Variants in SATB2 observed in about 807,000 individuals in gnomAD.
SATB2 encodes SATB homeobox 2.
A neutral mutation model predicts 73.4 loss-of-function variants in SATB2; 1 was observed. The ratio of observed to expected loss-of-function variants is 0.01; its 90% confidence interval spans 0.00 to 0.06. SATB2 has a LOEUF of 0.06. Ranked by LOEUF, SATB2 falls within the 10% of genes least tolerant of loss-of-function variation. The probability of loss-of-function intolerance (pLI) is 1.00; values close to 1 mark genes in which losing one functional copy is unlikely to be tolerated. For synonymous variants in SATB2, 397 were observed against 367.0 expected (o/e 1.08, Z -0.93); for missense variants, 459 against 945.8 (o/e 0.49, Z 6.75).
intron 3 of SATB2, among the ~76,000 whole-genome samples, chr2:199,385,871 T>C (rs1689915393): frequency 1.3e-5 from 2 of 152,224 alleles, no homozygotes; most frequent in Non-Finnish European, 1.5e-5. Context: ...CTGTGAGACT[T>C]TGGGCAAATT....
chr2:199,300,995 T>C (rs1322313508), intron 10 of SATB2, among the ~76,000 whole-genome samples: 6 of 151,896 alleles, frequency 4.0e-5, no homozygotes. Flanking sequence ...CCATGATGAA[T>C]GAAAAGCTAA....
At chr2:199,389,597 A>G (rs16831416) in intron 3 of SATB2, among the ~76,000 whole-genome samples, 1,758 of 152,290 alleles carry the variant, frequency 0.012, 38 homozygotes, top group African/African-American at 0.04. Flanking sequence ...CAAGAGATGC[A>G]AGTGTGTGAG....
At chr2:199,333,888 G>C (rs1210199264) in intron 7 of SATB2, among the ~76,000 whole-genome samples, 1 of 152,112 alleles carries the variant, frequency 6.6e-6, no homozygotes, top group African/African-American at 2.4e-5. Context: ...TGTGTACTGA[G>C]GAAACTGGCC....
chr2:199,273,811 T>TA (rs530104061), intron 10 of SATB2, among the ~76,000 whole-genome samples: 2 of 152,190 alleles, frequency 1.3e-5, no homozygotes, highest in South Asian at 4.1e-4. Context: ...ACTCATTTAA[T>TA]AAAAAAGCAA....
intron 7 of SATB2, among the ~76,000 whole-genome samples, chr2:199,343,110 TTA>T (rs1213868717): frequency 1.4e-4 from 6 of 43,766 alleles, no homozygotes; most frequent in Admixed American, 1.2e-3. Context: ...TTATTTTATT[TTA>T]TACACACACA....
intron 10 of SATB2, among the ~76,000 whole-genome samples, chr2:199,281,413 G>T (rs978454677): frequency 1.3e-5 from 2 of 151,664 alleles, no homozygotes; most frequent in Non-Finnish European, 2.9e-5. Flanking sequence ...CTCACCCAAA[G>T]CTTCAGGTCC....
At chr2:199,458,376 G>C (rs1484002792), upstream of SATB2, 3 of 308,102 alleles carry the variant, frequency 9.7e-6, no homozygotes, top group Admixed American at 8.6e-5. Context: ...GAAGAGGAAG[G>C]GGAGAGTCGG....
intron 10 of SATB2, among the ~76,000 whole-genome samples, chr2:199,286,509 G>C (rs1277636647): frequency 6.6e-6 from 1 of 152,126 alleles, no homozygotes. Context: ...CACAATCCAT[G>C]AGAAGACTTG....
At chr2:199,378,093 T>G (rs1316439650) in intron 5 of SATB2, among the ~76,000 whole-genome samples, 1 of 152,166 alleles carries the variant, frequency 6.6e-6, no homozygotes, top group Non-Finnish European at 1.5e-5. Flanking sequence ...TTGCCCAGGA[T>G]CACATATCTG....
At position 199,448,407 on chromosome 2, in the gene SATB2, TA is replaced by T. The variant is rs961167447; in HGVS notation, c.169+7461del. On this transcript the variant is annotated intron_variant, in intron 2 of 10. Coordinates refer to ENST00000417098, the MANE Select transcript of SATB2 (RefSeq NM_001172509.2). ...TTGCAAAGAAAATATTTTCTTGTGT[TA>T]AAAAAAAAATCAATCACAATCAGTT... Among the ~76,000 whole-genome samples, 234 of 149,674 alleles carry T rather than the reference TA, an allele frequency of 1.6e-3. 2 individuals carry two copies. Among genetic ancestry groups the T allele is most frequent in the African/African-American group, 5.3e-3 (218 of 40,964 alleles).
intron 10 of SATB2, among the ~76,000 whole-genome samples, chr2:199,290,191 G>A (rs902609782): frequency 6.6e-6 from 1 of 152,246 alleles, no homozygotes; most frequent in African/African-American, 2.4e-5. Flanking sequence ...AGAGCCATGA[G>A]CAGCACTACG....
At chr2:199,356,980 G>C (rs1265384380) in intron 6 of SATB2, among the ~76,000 whole-genome samples, 1 of 152,082 alleles carries the variant, frequency 6.6e-6, no homozygotes, top group East Asian at 1.9e-4. Context: ...AGCTCAGTTG[G>C]CTTCTTTAAT....
upstream of SATB2, chr2:199,458,444 A>C (rs972985605): frequency 5.1e-6 from 2 of 395,892 alleles, no homozygotes; most frequent in African/African-American, 4.4e-5. Context: ...CCGATGGCAG[A>C]GAACCGAGTG....
chr2:199,445,642 A>C (rs1162978741), intron 2 of SATB2, among the ~76,000 whole-genome samples: 1 of 152,198 alleles, frequency 6.6e-6, no homozygotes, highest in Non-Finnish European at 1.5e-5. Flanking sequence ...GATTCATTTG[A>C]GAAGGAAAAA....
At chr2:199,306,217 A>C (rs1026987438) in intron 10 of SATB2, among the ~76,000 whole-genome samples, 24 of 152,194 alleles carry the variant, frequency 1.6e-4, no homozygotes, top group Admixed American at 2.6e-4. Flanking sequence ...ATTTAGTCTC[A>C]GGAGTTCTGC....
In SATB2 at chr2:199,323,976, AAAT is replaced by A. The variant is rs772531202; in HGVS notation, c.1387-21_1387-19del. ...GTTTTGGCCTACCAAGAGACCATGA[AAAT>A]AATAATTTAAAAAGTGCTGCATTCA... On this transcript the variant is annotated intron_variant, in intron 8 of 10. Coordinates refer to ENST00000417098, the MANE Select transcript of SATB2 (RefSeq NM_001172509.2). The A allele has an allele frequency of 2.5e-6, 4 of 1,613,080 alleles. No individual in the cohort carries two copies. Among genetic ancestry groups the A allele is most frequent in the Non-Finnish European group, 3.4e-6 (4 of 1,179,364 alleles).
chr2:199,308,734 G>C lies in SATB2; in HGVS notation c.1740+26C>G, dbSNP rs1574492129. On this transcript the variant is annotated intron_variant, in intron 10 of 10. Coordinates refer to ENST00000417098, the MANE Select transcript of SATB2 (RefSeq NM_001172509.2). This position sits in a 1 kb window ranked among gnomAD's most constrained non-coding sequence, Gnocchi z 4.6. ...CTGGCACACAGAGCCCTGATCAGGT[G>C]GGGTACGGCGGTCGGGGACACTGAC... The C allele has an allele frequency of 6.2e-7, 1 of 1,602,726 alleles. No homozygotes were observed. Among genetic ancestry groups the C allele is most frequent in the Non-Finnish European group, 8.5e-7 (1 of 1,169,870 alleles).
intron 2 of SATB2, among the ~76,000 whole-genome samples, chr2:199,439,051 G>C (rs1691732685): frequency 6.6e-6 from 1 of 152,178 alleles, no homozygotes; most frequent in African/African-American, 2.4e-5. Context: ...ATGTCCAATG[G>C]GTGACCTGTA....
chr2:199,395,964 T>C (rs1690288845), intron 3 of SATB2: 1 of 152,242 alleles, frequency 6.6e-6, no homozygotes, highest in African/African-American at 2.4e-5. Flanking sequence ...ATGCAGAATG[T>C]CAACTGTTAA....
Sources: gnomAD v4.1 joint callset for allele counts (sites outside exome capture counted in the v4.1 genomes callset) on GRCh38, gnomAD v4.1.1 for gene constraint, Gnocchi (gnomAD v3.1) non-coding constraint, MANE v1.5 for transcripts, NCBI Gene and HGNC (gene_info 2026-07-23, HGNC 2026-07-21) for gene names.